Variants in CRACDL observed in about 807,000 individuals in gnomAD.
The protein encoded by CRACDL is CRACD like, also known as CRACD-like protein.
A neutral mutation model predicts 70.6 loss-of-function variants in CRACDL; 26 were observed. That is an observed-to-expected ratio of 0.37 (90% CI 0.27 to 0.51). The LOEUF is 0.51. Ranked by LOEUF, CRACDL falls within the 20% of genes least tolerant of loss-of-function variation. CRACDL has a pLI of 0.94. For missense variants in CRACDL, 1,283 were observed against 1,376.9 expected (o/e 0.93, Z 1.08); for synonymous variants, 618 against 615.2 (o/e 1.00, Z -0.07).
intron 1 of CRACDL, among the ~76,000 whole-genome samples, chr2:98,907,671 C>T (rs1708447334): frequency 6.6e-6 from 1 of 152,246 alleles, no homozygotes; most frequent in South Asian, 2.1e-4. Context: ...TGGGGCTTGA[C>T]TCACATGCTT....
chr2:98,869,204 G>A lies in CRACDL; in HGVS notation c.-10-22394C>T, dbSNP rs563896953. 1.6e-5 allele frequency: 21 copies of A among 1,303,800 alleles called. No homozygotes were observed. The East Asian group carries it at 1.1e-3, about 69-fold the overall frequency. 80.8% of individuals were successfully genotyped at this position (1,303,800 alleles called of 1,614,324 possible). Reference sequence around the variant, plus strand: ...GAGTGGGCCTCCCTTTCCTCTGAGTGGCCTAGGGCCCACGGGTCACCACTG... The same window carrying A: ...GAGTGGGCCTCCCTTTCCTCTGAGTAGCCTAGGGCCCACGGGTCACCACTG... On this transcript the variant is annotated intron_variant, in intron 1 of 9. Transcript: ENST00000397899.
At chr2:98,848,878 T>G (rs1169296503) in intron 1 of CRACDL, among the ~76,000 whole-genome samples, 2 of 152,234 alleles carry the variant, frequency 1.3e-5, no homozygotes, top group African/African-American at 4.8e-5. Flanking sequence ...TGTAAGCCAC[T>G]GCACCCAGCA....
intron 1 of CRACDL, among the ~76,000 whole-genome samples, chr2:98,909,640 T>C (rs1196473508): frequency 5.9e-5 from 9 of 152,166 alleles, no homozygotes; most frequent in Non-Finnish European, 1.3e-4. Context: ...ACCCGCCTGC[T>C]CTAAGGCCCA....
intron 1 of CRACDL, among the ~76,000 whole-genome samples, chr2:98,882,230 A>G (rs1255932705): frequency 6.6e-6 from 1 of 152,226 alleles, no homozygotes; most frequent in East Asian, 1.9e-4. Context: ...TCAGGGCACT[A>G]CTGAACAGAG....
chr2:98,891,178 A>G (rs1199708916), intron 1 of CRACDL, among the ~76,000 whole-genome samples: 3 of 151,874 alleles, frequency 2.0e-5, no homozygotes, highest in Non-Finnish European at 2.9e-5. Context: ...CAGTAGTTCA[A>G]TACCAGCCTG....
intron 7 of CRACDL, among the ~76,000 whole-genome samples, chr2:98,805,463 G>A (rs983255943): frequency 1.3e-5 from 2 of 151,888 alleles, no homozygotes; most frequent in Non-Finnish European, 2.9e-5. Flanking sequence ...CCTTTCCACC[G>A]CTTCACTACC....
intron 3 of CRACDL, among the ~76,000 whole-genome samples, chr2:98,836,146 A>C (rs550389277): frequency 6.6e-6 from 1 of 152,216 alleles, no homozygotes; most frequent in Non-Finnish European, 1.5e-5. Context: ...GGCAAAAGGA[A>C]ATCGTTATAG....
chr2:98,846,778 T>C lies in CRACDL; in HGVS notation c.23A>G (p.Asp8Gly). 3 of 1,614,204 alleles carry C rather than the reference T, an allele frequency of 1.9e-6. No individual in the cohort carries two copies. Among genetic ancestry groups the C allele is most frequent in the Non-Finnish European group, 2.5e-6 (3 of 1,180,008 alleles). MISTRVM[D>G]IKLREAAEGL... ...TTCTGCAGCCTCCCGAAGCTTAATG[T>C]CCATCACCCTTGTGGAAATCATGTC... Residue 8 changes from aspartate (D) to glycine (G), a missense_variant, in exon 2 of 10, where the codon GAC becomes GGC. Physicochemically the swap from Asp to Gly is moderately conservative, Grantham distance 94. Around this residue, in one of 2 missense-constraint regions of CRACDL, gnomAD observed 362 missense variants for 495.0 expected, o/e 0.73. Transcript: ENST00000397899.
intron 7 of CRACDL, among the ~76,000 whole-genome samples, chr2:98,806,340 G>A (rs2104422087): frequency 6.6e-6 from 1 of 152,372 alleles, no homozygotes; most frequent in East Asian, 1.9e-4. Flanking sequence ...AGTGAGGCCA[G>A]GAATCTGGCC....
chr2:98,872,228 C>T (rs907796100), intron 1 of CRACDL, among the ~76,000 whole-genome samples: 3 of 152,130 alleles, frequency 2.0e-5, no homozygotes, highest in Non-Finnish European at 4.4e-5. Flanking sequence ...CGTGGTGGCA[C>T]ATGCCTGTAA....
At chr2:98,806,215 G>T (rs993928008) in intron 7 of CRACDL, among the ~76,000 whole-genome samples, 2 of 152,232 alleles carry the variant, frequency 1.3e-5, no homozygotes, top group African/African-American at 4.8e-5. Flanking sequence ...TTTGGTTGTT[G>T]TCAGGGCCCC....
At chr2:98,814,756 T>C (rs1046819757) in intron 7 of CRACDL, among the ~76,000 whole-genome samples, 2 of 152,154 alleles carry the variant, frequency 1.3e-5, no homozygotes, top group Admixed American at 1.3e-4. Flanking sequence ...TTTTCTTGAC[T>C]ACTGACAGAG....
At chr2:98,853,854 A>C (rs1164165939) in intron 1 of CRACDL, among the ~76,000 whole-genome samples, 1 of 152,248 alleles carries the variant, frequency 6.6e-6, no homozygotes, top group Non-Finnish European at 1.5e-5. Flanking sequence ...ATCCCTAGAG[A>C]AAACACTAAA....
chr2:98,844,323 CT>C (rs1216992092), intron 2 of CRACDL, among the ~76,000 whole-genome samples: 1 of 152,060 alleles, frequency 6.6e-6, no homozygotes, highest in Admixed American at 6.6e-5. Context: ...TGTTTTAAAA[CT>C]TTTTTATTAT....
intron 1 of CRACDL, among the ~76,000 whole-genome samples, chr2:98,913,678 G>A (rs999088216): frequency 3.3e-5 from 5 of 152,200 alleles, no homozygotes; most frequent in East Asian, 1.9e-4. Context: ...GAGGAGTCAC[G>A]GAAAGCATGG....
intron 7 of CRACDL, among the ~76,000 whole-genome samples, chr2:98,817,730 G>GTA (rs1704843896): frequency 6.6e-6 from 1 of 152,194 alleles, no homozygotes. Context: ...GCATGAATGA[G>GTA]TGAGTACTGG....
chr2:98,809,859 A>G (rs1424711819), intron 7 of CRACDL: 3 of 152,216 alleles, frequency 2.0e-5, no homozygotes, highest in Non-Finnish European at 4.4e-5. Context: ...TGCAGTTAAA[A>G]TGTCTTTGCT....
At chr2:98,929,940 G>C (rs1011247736) in intron 1 of CRACDL, among the ~76,000 whole-genome samples, 1 of 152,048 alleles carries the variant, frequency 6.6e-6, no homozygotes, top group African/African-American at 2.4e-5. Flanking sequence ...CGATACATTC[G>C]ACATGGAAAA....
In CRACDL at chr2:98,824,764, A is replaced by G. The variant is rs542234250; in HGVS notation, c.736-1227T>C. ...TTTCATGGCATCTGCTTGCTAATAG[A>G]ATATAGGATGCCTGGGATGTTTGTG... On this transcript the variant is annotated intron_variant, in intron 6 of 9. Coordinates refer to ENST00000397899, the MANE Select transcript of CRACDL (RefSeq NM_207362.3). Among the ~76,000 whole-genome samples the G allele has an allele frequency of 2.0e-5, 3 of 152,298 alleles. No individual in the cohort carries two copies. In the South Asian group the frequency reaches 6.2e-4, roughly 32 times the overall value.
Sources: gnomAD v4.1 joint callset for allele counts (sites outside exome capture counted in the v4.1 genomes callset) on GRCh38, gnomAD v4.1.1 for gene constraint, gnomAD v4.1.1 regional missense constraint, MANE v1.5 for transcripts, NCBI Gene and HGNC (gene_info 2026-07-23, HGNC 2026-07-21) for gene names.